NTRK2: variants seen among roughly 807,000 people sequenced by gnomAD.
The protein encoded by NTRK2 is BDNF/NT-3 growth factors receptor.
Under a neutral mutation model 94.5 loss-of-function variants are expected in NTRK2, and 13 were observed. That is an observed-to-expected ratio of 0.14 (90% CI 0.09 to 0.22). The LOEUF is 0.22. Ranked by LOEUF, NTRK2 falls within the 10% of genes least tolerant of loss-of-function variation. NTRK2 has a pLI of 1.00. For synonymous variants in NTRK2, 372 were observed against 407.4 expected, an observed-to-expected ratio of 0.91 and a Z score of 1.05; for missense variants, 639 against 1,071.2, an observed-to-expected ratio of 0.60 and a Z score of 5.63.
chr9:84,948,094 G>T (rs777246175), intron 15 of NTRK2, among the ~76,000 whole-genome samples: 1 of 152,166 alleles, frequency 6.6e-6, no homozygotes, highest in Non-Finnish European at 1.5e-5. Flanking sequence ...ATAACATAAA[G>T]TTTTTAAATC....
At chr9:84,825,460 G>A (rs905426529) in intron 12 of NTRK2, among the ~76,000 whole-genome samples, 4 of 152,200 alleles carry the variant, frequency 2.6e-5, no homozygotes, top group Admixed American at 6.5e-5. Context: ...TACTCCACTT[G>A]GTTTGACCCT....
In NTRK2 at chr9:84,861,150, A is replaced by C. The variant is rs554903884; in HGVS notation, c.1444+63A>C. 6 of 1,271,470 alleles carry C rather than the reference A, an allele frequency of 4.7e-6. No homozygotes were observed. In the South Asian group the frequency reaches 7.2e-5, roughly 15 times the overall value. The allele number at this position is 1,271,470 out of a possible 1,614,324, so 78.8% of individuals were successfully genotyped here. A position where few individuals can be genotyped will look rare whatever the true frequency, so the allele number is the denominator to read the frequency against. On this transcript the variant is annotated intron_variant, in intron 13 of 18. Coordinates refer to ENST00000277120, the MANE Select transcript of NTRK2 (RefSeq NM_006180.6). ...GAGTCTATGTTTTTATTCGGATGAA[A>C]ATGCTTAGACCCTCTTTACATTCCA...
At chr9:84,803,490 T>A (rs990858737) in intron 12 of NTRK2, among the ~76,000 whole-genome samples, 1 of 152,146 alleles carries the variant, frequency 6.6e-6, no homozygotes, top group African/African-American at 2.4e-5. Context: ...GTTAATGTCC[T>A]CACTTGTGGG....
chr9:85,004,009 A>G (rs1407176647), intron 17 of NTRK2, among the ~76,000 whole-genome samples: 19 of 20,102 alleles, frequency 9.5e-4, no homozygotes, highest in African/African-American at 4.7e-3. Context: ...AGAAAGAAAG[A>G]AAAGAAAGAG....
intron 14 of NTRK2, chr9:84,877,222 T>C: frequency 1.9e-6 from 2 of 1,065,554 alleles, no homozygotes; most frequent in Non-Finnish European, 2.3e-6. Flanking sequence ...ATCGGCATAG[T>C]TCTTGGCGTT....
At chr9:84,795,962 T>C (rs1227572173) in intron 12 of NTRK2, among the ~76,000 whole-genome samples, 2 of 151,930 alleles carry the variant, frequency 1.3e-5, no homozygotes, top group African/African-American at 2.4e-5. Flanking sequence ...ACTTTTCTTT[T>C]TTTTTTTTTT....
At chr9:84,824,902 T>G (rs2073084687) in intron 12 of NTRK2, among the ~76,000 whole-genome samples, 1 of 152,068 alleles carries the variant, frequency 6.6e-6, no homozygotes, top group South Asian at 2.1e-4. Context: ...AGGAAATCTA[T>G]CAGATCTGAG....
chr9:84,991,224 G>T (rs1410460317), intron 17 of NTRK2, among the ~76,000 whole-genome samples: 1 of 152,214 alleles, frequency 6.6e-6, no homozygotes, highest in Non-Finnish European at 1.5e-5. Flanking sequence ...TCAGTGGCAA[G>T]ATTCACATTT....
At chr9:84,885,626 G>A (rs2132250312) in intron 14 of NTRK2, among the ~76,000 whole-genome samples, 1 of 152,264 alleles carries the variant, frequency 6.6e-6, no homozygotes, top group Non-Finnish European at 1.5e-5. Flanking sequence ...AAGAAGGTAA[G>A]GAAGGGTTAT....
intron 14 of NTRK2, among the ~76,000 whole-genome samples, chr9:84,902,977 G>A (rs2076975133): frequency 6.6e-6 from 1 of 152,154 alleles, no homozygotes; most frequent in South Asian, 2.1e-4. Flanking sequence ...TTATCTCAAT[G>A]ATTGTTCATT....
At chr9:84,851,037 C>T (rs77712363) in intron 12 of NTRK2, among the ~76,000 whole-genome samples, 2,319 of 152,266 alleles carry the variant, frequency 0.015, 84 homozygotes, top group East Asian at 0.093. Flanking sequence ...GTACTGTTGA[C>T]ATTTGGGGCC....
intron 12 of NTRK2, among the ~76,000 whole-genome samples, chr9:84,808,937 G>T (rs564148544): frequency 6.6e-6 from 1 of 152,298 alleles, no homozygotes; most frequent in Non-Finnish European, 1.5e-5. Flanking sequence ...AGTCTACATG[G>T]TTGGGCTTAG....
At chr9:84,962,840 A>G (rs1825116303) in intron 17 of NTRK2, among the ~76,000 whole-genome samples, 1 of 152,248 alleles carries the variant, frequency 6.6e-6, no homozygotes. Context: ...GCCTGAAGAC[A>G]GATATTCAAG....
chr9:84,682,799 C>G (rs918476286), intron 2 of NTRK2, among the ~76,000 whole-genome samples: 1 of 152,156 alleles, frequency 6.6e-6, no homozygotes, highest in Non-Finnish European at 1.5e-5. Context: ...ACATCTTGGT[C>G]GTTTTTCACT....
At chr9:84,698,334 C>T (rs1423244375) in intron 2 of NTRK2, among the ~76,000 whole-genome samples, 2 of 152,096 alleles carry the variant, frequency 1.3e-5, no homozygotes, top group African/African-American at 4.8e-5. Context: ...TTCTTTCTCA[C>T]TTCGCATAGC....
At chr9:84,963,029 G>T (rs1443928269) in intron 17 of NTRK2, among the ~76,000 whole-genome samples, 1 of 152,206 alleles carries the variant, frequency 6.6e-6, no homozygotes, top group Non-Finnish European at 1.5e-5. Flanking sequence ...CAGAGCTGTG[G>T]ATTGGCACTG....
chr9:84,723,921 G>A (rs548347625), intron 7 of NTRK2, among the ~76,000 whole-genome samples: 14 of 152,292 alleles, frequency 9.2e-5, no homozygotes, highest in South Asian at 4.2e-4. Context: ...CTAAGAGAGC[G>A]AGGAGTCTCT....
intron 12 of NTRK2, among the ~76,000 whole-genome samples, chr9:84,757,504 T>C (rs2065188108): frequency 6.6e-6 from 1 of 152,228 alleles, no homozygotes; most frequent in African/African-American, 2.4e-5. Flanking sequence ...TTCCCAGTTG[T>C]CTGATATCAG....
intron 14 of NTRK2, among the ~76,000 whole-genome samples, chr9:84,899,451 C>T (rs1052247288): frequency 1.3e-5 from 2 of 152,150 alleles, no homozygotes; most frequent in Non-Finnish European, 2.9e-5. Context: ...AATCCTTATC[C>T]TTTACTTTTT....
Sources: gnomAD v4.1 joint callset for allele counts (sites outside exome capture counted in the v4.1 genomes callset) on GRCh38, gnomAD v4.1.1 for gene constraint, MANE v1.5 for transcripts, NCBI Gene and HGNC (gene_info 2026-07-23, HGNC 2026-07-21) for gene names.